SPP2: variants seen among roughly 807,000 people sequenced by gnomAD.
SPP2 encodes the protein secreted phosphoprotein 24.
A neutral mutation model predicts 28.8 loss-of-function variants in SPP2; 34 were observed. The observed-to-expected ratio is 1.18, with a 90% CI of 0.90 to 1.57. The LOEUF (loss-of-function observed/expected upper bound fraction) is 1.57. Among genes scored for constraint, SPP2 ranks in the 40% most tolerant of loss-of-function variants. SPP2 has a pLI of 0.00. For synonymous variants in SPP2, 96 were observed against 89.4 expected, an observed-to-expected ratio of 1.07 and a Z score of -0.42; for missense variants, 269 against 263.9, an observed-to-expected ratio of 1.02 and a Z score of -0.13.
chr2:234,065,583 T>C (rs1693802921), intron 4 of SPP2, among the ~76,000 whole-genome samples: 2 of 152,158 alleles, frequency 1.3e-5, no homozygotes, highest in Non-Finnish European at 2.9e-5. Context: ...CTAGCTCTCA[T>C]TGTGGTTTTA....
intron 2 of SPP2, 90 bp from the exon 3 acceptor site, chr2:234,058,745 AT>A (rs1693657961): frequency 1.4e-6 from 2 of 1,423,990 alleles, no homozygotes; most frequent in South Asian, 3.1e-5. Flanking sequence ...CAATTCTGTA[AT>A]TTTTTTCTTA....
intron 6 of SPP2, among the ~76,000 whole-genome samples, chr2:234,067,687 G>A (rs2125466957): frequency 6.9e-6 from 1 of 145,840 alleles, no homozygotes; most frequent in African/African-American, 2.5e-5. Context: ...TAAGGCAGGA[G>A]AATGGCGTGA....
chr2:234,071,236 T>A (rs1690774196), intron 7 of SPP2, among the ~76,000 whole-genome samples: 2 of 152,228 alleles, frequency 1.3e-5, no homozygotes, highest in Admixed American at 6.5e-5. Context: ...CCATACTGTC[T>A]ACCTTGCTTG....
At chr2:234,066,934 G>A (rs982357846) in intron 5 of SPP2, among the ~76,000 whole-genome samples, 3 of 152,122 alleles carry the variant, frequency 2.0e-5, no homozygotes, top group East Asian at 1.9e-4. Context: ...GAATTCTATC[G>A]TCTTTCAGCC....
intron 5 of SPP2, 121 bp downstream of exon 5, chr2:234,066,708 C>T: frequency 1.3e-6 from 1 of 751,804 alleles, no homozygotes; most frequent in Non-Finnish European, 2.2e-6. Context: ...ACAATTACAG[C>T]CATAGAAAAT....
At chr2:234,058,031 CA>C (rs1253247310) in intron 2 of SPP2, among the ~76,000 whole-genome samples, 1 of 152,172 alleles carries the variant, frequency 6.6e-6, no homozygotes, top group East Asian at 1.9e-4. Context: ...AGCCTTGGGT[CA>C]CAACATTTTC....
In SPP2 at chr2:234,058,920, G is replaced by C. The variant is rs1293713918; in HGVS notation, c.295G>C (p.Asp99His). The C allele has an allele frequency of 6.2e-7, 1 of 1,614,084 alleles. No individual in the cohort carries two copies. Among genetic ancestry groups the C allele is most frequent in the Non-Finnish European group, 8.5e-7 (1 of 1,179,964 alleles). Residue 99 changes from aspartate (D) to histidine (H), a missense_variant, in exon 3 of 8, where the codon GAT (aspartate) becomes CAT (histidine). Physicochemically the swap from Asp to His is moderately conservative, Grantham distance 81. Coordinates refer to ENST00000168148, the MANE Select transcript of SPP2 (RefSeq NM_006944.3). ...ETTCRKDSGEDPATCAFQRDY... is the reference protein window; with the variant it reads ...ETTCRKDSGEHPATCAFQRDY... ...TACATGCAGGAAGGATTCTGGAGAAGATCCCGCTACATGTGCCTTCCAGAG... is the reference window on the plus strand; with the variant it reads ...TACATGCAGGAAGGATTCTGGAGAACATCCCGCTACATGTGCCTTCCAGAG...
intron 7 of SPP2, among the ~76,000 whole-genome samples, chr2:234,073,474 G>A (rs141612963): frequency 6.6e-6 from 1 of 152,244 alleles, no homozygotes; most frequent in East Asian, 1.9e-4. Flanking sequence ...AATCCCCAGA[G>A]CCCTAAACAC....
At chr2:234,063,430 G>A (rs1473541702) in intron 4 of SPP2, among the ~76,000 whole-genome samples, 1 of 152,136 alleles carries the variant, frequency 6.6e-6, no homozygotes, top group Non-Finnish European at 1.5e-5. Context: ...AGTAAGTCTG[G>A]TAAGGACATA....
At chr2:234,067,726 G>A (rs569641800) in intron 6 of SPP2, among the ~76,000 whole-genome samples, 5 of 136,564 alleles carry the variant, frequency 3.7e-5, no homozygotes, top group African/African-American at 1.1e-4. Context: ...GCAGTGAGCC[G>A]AGATTGCGCC....
At chr2:234,064,511 T>C (rs996736431) in intron 4 of SPP2, among the ~76,000 whole-genome samples, 1 of 152,192 alleles carries the variant, frequency 6.6e-6, no homozygotes, top group African/African-American at 2.4e-5. Context: ...AAATTTTATA[T>C]ATTTACTTGT....
At chr2:234,056,237 C>A (rs1014754269) in intron 2 of SPP2, 1 of 152,052 alleles carries the variant, frequency 6.6e-6, no homozygotes, top group Admixed American at 6.5e-5. Context: ...AAACAAACAA[C>A]CCCATCAACA....
intron 6 of SPP2, among the ~76,000 whole-genome samples, chr2:234,068,017 T>C (rs780991771): frequency 3.3e-5 from 5 of 152,120 alleles, no homozygotes; most frequent in Non-Finnish European, 5.9e-5. Context: ...ATACAATGTG[T>C]CTAATGATCT....
chr2:234,076,081 A>C (rs1690888234), intron 7 of SPP2, among the ~76,000 whole-genome samples: 1 of 152,176 alleles, frequency 6.6e-6, no homozygotes, highest in South Asian at 2.1e-4. Context: ...GCACCTGTGC[A>C]CTGTCATCAG....
chr2:234,060,899 A>G (rs1365647449), intron 4 of SPP2, among the ~76,000 whole-genome samples: 4 of 152,144 alleles, frequency 2.6e-5, no homozygotes, highest in Non-Finnish European at 5.9e-5. Context: ...TAGTGCAATC[A>G]AGAAGGACAT....
At chr2:234,054,530 C>G (rs1254570356) in intron 2 of SPP2, among the ~76,000 whole-genome samples, 1 of 152,150 alleles carries the variant, frequency 6.6e-6, no homozygotes, top group Non-Finnish European at 1.5e-5. Context: ...GGTGAGGGCC[C>G]TCTTCTGGGC....
chr2:234,074,562 C>T (rs975702422), intron 7 of SPP2, among the ~76,000 whole-genome samples: 3 of 152,124 alleles, frequency 2.0e-5, no homozygotes, highest in Non-Finnish European at 4.4e-5. Flanking sequence ...TTCATTTACA[C>T]TTACTCTGAT....
Position 234,060,361 on chromosome 2 carries a change from T to C in SPP2, c.334-8T>C. On this transcript the variant is annotated splice_region_variant and splice_polypyrimidine_tract_variant and intron_variant, in intron 3 of 7. Transcript: ENST00000168148. ...TGAAGAGAGAACTCACCCCTTTGTC[T>C]TTTCCAGTCCACAGCTGTTTGCAGA... 6.2e-7 allele frequency: 1 copy of C among 1,610,406 alleles called. No homozygotes were observed. Among genetic ancestry groups the C allele is most frequent in the Non-Finnish European group, 8.5e-7 (1 of 1,176,898 alleles).
At chr2:234,072,721 A>G (rs1365359347) in intron 7 of SPP2, among the ~76,000 whole-genome samples, 2 of 152,144 alleles carry the variant, frequency 1.3e-5, no homozygotes, top group Admixed American at 6.5e-5. Context: ...AGGCCGGCAT[A>G]GTGGGTCTAG....
Sources: gnomAD v4.1 joint callset for allele counts (sites outside exome capture counted in the v4.1 genomes callset) on GRCh38, gnomAD v4.1.1 for gene constraint, MANE v1.5 for transcripts, NCBI Gene and HGNC (gene_info 2026-07-23, HGNC 2026-07-21) for gene names.